WDTC1: variants seen among roughly 807,000 people sequenced by gnomAD.
The protein encoded by WDTC1 is WD and tetratricopeptide repeats protein 1.
WDTC1 carries 12 observed loss-of-function variants against 76.0 expected under a neutral mutation model. That is an observed-to-expected ratio of 0.16 (90% CI 0.10 to 0.26). The LOEUF (loss-of-function observed/expected upper bound fraction) is 0.26, where lower values mean the gene tolerates loss of function less well. Ranked by LOEUF, WDTC1 falls within the 10% of genes least tolerant of loss-of-function variation. WDTC1 has a pLI of 1.00. For missense variants in WDTC1, 511 were observed against 908.8 expected, an observed-to-expected ratio of 0.56 and a Z score of 5.63; for synonymous variants, 326 against 350.8, an observed-to-expected ratio of 0.93 and a Z score of 0.79.
At position 27,249,237 on chromosome 1, in the gene WDTC1, C is replaced by G. The variant is rs557857009; in HGVS notation, c.-99-11719C>G. Among the ~76,000 whole-genome samples, 31 of 150,490 alleles carry G rather than the reference C, an allele frequency of 2.1e-4. 1 individual carries two copies. The South Asian group carries it at 6.6e-3, about 32-fold the overall frequency. On this transcript the variant is annotated intron_variant, in intron 1 of 15. Transcript: ENST00000319394. ...TGAGCCAAGATGGCACCACTGCACT[C>G]CAGCCTGGGCAACAGAGTGAGACTG...
Position 27,296,360 on chromosome 1 carries a change from C to T in WDTC1, c.908C>T (p.Pro303Leu), listed in dbSNP as rs1372558263. The change falls in exon 10 of 16, where the codon CCG becomes CTG. Residue 303 changes from proline to leucine, a missense_variant. By Grantham distance (98) the Pro-to-Leu change is moderately conservative (BLOSUM62 -3). Transcript: ENST00000319394. Reference protein sequence around the residue: ...YLFDLTYKQRPYTFLLPRKCH... With the variant: ...YLFDLTYKQRLYTFLLPRKCH... ...TTTGACTTGACTTACAAGCAGCGGC[C>T]GTACACCTTCCTCTTGCCTAGAAAA... The T allele has an allele frequency of 9.3e-6, 15 of 1,613,920 alleles. No homozygotes were observed. Among genetic ancestry groups the T allele is most frequent in the African/African-American group, 1.3e-5 (1 of 74,832 alleles).
At chr1:27,268,271 G>A (rs2012737480) in intron 3 of WDTC1, among the ~76,000 whole-genome samples, 1 of 136,906 alleles carries the variant, frequency 7.3e-6, no homozygotes, top group African/African-American at 3.7e-5. Flanking sequence ...CAAGACCCCT[G>A]TCTCTATACC....
chr1:27,248,706 C>T (rs894677743), intron 1 of WDTC1, among the ~76,000 whole-genome samples: 1 of 152,152 alleles, frequency 6.6e-6, no homozygotes, highest in South Asian at 2.1e-4. Context: ...GTCTCCCAGG[C>T]TGGAGTGCAG....
chr1:27,287,522 G>A, intron 5 of WDTC1, 152 bp from the exon 6 acceptor site: 1 of 804,602 alleles, frequency 1.2e-6, no homozygotes, highest in East Asian at 2.7e-5. Context: ...GAGCAGCTGG[G>A]ATTACAGGCA....
Position 27,301,092 on chromosome 1 carries a change from C to A in WDTC1, c.1233-134C>A. The A allele has an allele frequency of 8.2e-6, 6 of 734,586 alleles. No individual in the cohort carries two copies. The highest frequency in any genetic ancestry group is 1.4e-5 in the Non-Finnish European group (6 of 440,110). The allele number at this position is 734,586 out of a possible 1,614,324, so 45.5% of individuals were successfully genotyped here. A position where few individuals can be genotyped will look rare whatever the true frequency, so the allele number is the denominator to read the frequency against. On this transcript the variant is annotated intron_variant, in intron 12 of 15. Transcript: ENST00000319394. The surrounding 1 kb of genome is among the most constrained non-coding windows in gnomAD (Gnocchi z 5.8). ...GCCTGGGCTGAGCCAGGATTCTCTT[C>A]GTCCTCAAGTCCCCTTGCCATGAGA...
At chr1:27,237,801 C>T (rs1240763654) in intron 1 of WDTC1, among the ~76,000 whole-genome samples, 3 of 143,294 alleles carry the variant, frequency 2.1e-5, no homozygotes, top group Non-Finnish European at 4.5e-5. Context: ...GTGGAGGTTG[C>T]GGTGAGCTGT....
At chr1:27,250,297 C>CT (rs1330027755) in intron 1 of WDTC1, among the ~76,000 whole-genome samples, 1 of 151,996 alleles carries the variant, frequency 6.6e-6, no homozygotes, top group Non-Finnish European at 1.5e-5. Flanking sequence ...AGCGATTCTC[C>CT]TGCCTCAGCC....
intron 1 of WDTC1, among the ~76,000 whole-genome samples, chr1:27,244,032 A>G (rs957034869): frequency 6.6e-6 from 1 of 151,198 alleles, no homozygotes; most frequent in South Asian, 2.1e-4. Context: ...GGTCCCAACT[A>G]CTCGGGAGGC....
At chr1:27,289,954 C>T (rs533037728) in intron 6 of WDTC1, among the ~76,000 whole-genome samples, 25 of 150,306 alleles carry the variant, frequency 1.7e-4, no homozygotes, top group African/African-American at 5.1e-4. Flanking sequence ...AGCTTCGGCT[C>T]GGCATCAGAG....
intron 1 of WDTC1, among the ~76,000 whole-genome samples, chr1:27,235,769 C>T (rs1304471318): frequency 6.6e-6 from 1 of 151,948 alleles, no homozygotes; most frequent in Non-Finnish European, 1.5e-5. Context: ...TCTTAATAGC[C>T]GAATTTGACT....
chr1:27,303,825 C>A lies in WDTC1; in HGVS notation c.1643+30C>A, dbSNP rs1450777859. 2 of 1,609,604 alleles carry A rather than the reference C, an allele frequency of 1.2e-6. No individual in the cohort carries two copies. The highest frequency in any genetic ancestry group is 1.7e-6 in the Non-Finnish European group (2 of 1,178,506). ...GAGGCCCTGAAGAGGAGGGTGCAGC[C>A]CAGTTGGCAGCGGGAGGTTGAGTGG... On this transcript the variant is annotated intron_variant, in intron 14 of 15. Coordinates refer to ENST00000319394, the MANE Select transcript of WDTC1 (RefSeq NM_001276252.2). The surrounding 1 kb of genome is among the most constrained non-coding windows in gnomAD (Gnocchi z 4.8).
chr1:27,287,686 G>A lies in WDTC1; in HGVS notation c.304G>A (p.Ala102Thr), dbSNP rs369628875. The A allele has an allele frequency of 9.9e-6, 16 of 1,613,558 alleles. No homozygotes were observed. The highest frequency in any genetic ancestry group is 6.7e-5 in the Admixed American group (4 of 59,926). The part of the protein sequence containing the change: ...NIFSVKFLPH[A>T]GDRILITGAA... Reference sequence around the variant, plus strand: ...TTCTCCTATATAGTTCCTGCCTCACGCTGGGGACCGCATCTTGATCACGGG... The same window carrying A: ...TTCTCCTATATAGTTCCTGCCTCACACTGGGGACCGCATCTTGATCACGGG... The change falls in exon 6 of 16, where the codon GCT (alanine) becomes ACT (threonine). Residue 102 changes from alanine (A) to threonine (T), a missense_variant. Ala to Thr is a moderately conservative substitution (Grantham distance 58, BLOSUM62 0). Transcript: ENST00000319394.
intron 3 of WDTC1, among the ~76,000 whole-genome samples, chr1:27,267,624 T>C (rs1215176654): frequency 2.6e-5 from 4 of 152,178 alleles, no homozygotes; most frequent in African/African-American, 9.7e-5. Flanking sequence ...TAGTATCCTT[T>C]CAGAGGAATT....
chr1:27,253,241 C>G (rs974962176), intron 1 of WDTC1, among the ~76,000 whole-genome samples: 1 of 152,198 alleles, frequency 6.6e-6, no homozygotes, highest in South Asian at 2.1e-4. Context: ...ATCTCCTGAC[C>G]TTGGCCTCCT....
At chr1:27,280,809 G>A (rs1284039251) in intron 3 of WDTC1, among the ~76,000 whole-genome samples, 1 of 152,140 alleles carries the variant, frequency 6.6e-6, no homozygotes, top group Non-Finnish European at 1.5e-5. Context: ...GTTAAGAGAG[G>A]GTCCTTATGT....
intron 1 of WDTC1, among the ~76,000 whole-genome samples, chr1:27,236,846 A>G (rs989714329): frequency 2.6e-5 from 4 of 151,860 alleles, no homozygotes; most frequent in African/African-American, 9.7e-5. Context: ...GTATTTATTT[A>G]TTTATTTTTT....
chr1:27,276,424 G>T (rs537290863), intron 3 of WDTC1, among the ~76,000 whole-genome samples: 1 of 152,004 alleles, frequency 6.6e-6, no homozygotes, highest in Non-Finnish European at 1.5e-5. Context: ...GGCCAGGCGC[G>T]GTGACTTATG....
intron 3 of WDTC1, among the ~76,000 whole-genome samples, chr1:27,264,847 G>T (rs2012609911): frequency 6.6e-6 from 1 of 151,894 alleles, no homozygotes; most frequent in African/African-American, 2.4e-5. Flanking sequence ...TTGTTGCCCA[G>T]GCTGGAATGC....
At chr1:27,277,400 A>T (rs928211089) in intron 3 of WDTC1, among the ~76,000 whole-genome samples, 1 of 152,158 alleles carries the variant, frequency 6.6e-6, no homozygotes, top group Non-Finnish European at 1.5e-5. Flanking sequence ...TTACATGTGG[A>T]CATCCACTTG....
Sources: gnomAD v4.1 joint callset for allele counts (sites outside exome capture counted in the v4.1 genomes callset) on GRCh38, gnomAD v4.1.1 for gene constraint, Gnocchi (gnomAD v3.1) non-coding constraint, MANE v1.5 for transcripts, NCBI Gene and HGNC (gene_info 2026-07-23, HGNC 2026-07-21) for gene names.